Variants in COMMD10 observed in about 807,000 individuals in gnomAD.
COMMD10 encodes COMM domain-containing protein 10.
A neutral mutation model predicts 28.9 loss-of-function variants in COMMD10; 33 were observed. That is an observed-to-expected ratio of 1.14 (90% CI 0.87 to 1.53). The LOEUF is 1.53. Among genes scored for constraint, COMMD10 ranks in the 40% most tolerant of loss-of-function variants. The pLI is 0.00. For missense variants in COMMD10, 310 were observed against 233.4 expected (o/e 1.33, Z -2.14); for synonymous variants, 110 against 81.7 (o/e 1.35, Z -1.87).
intron 5 of COMMD10, among the ~76,000 whole-genome samples, chr5:116,228,374 C>T (rs1445363920): frequency 2.0e-5 from 3 of 151,816 alleles, no homozygotes; most frequent in African/African-American, 7.3e-5. Flanking sequence ...ATTTTATTCA[C>T]ATTGTTGATT....
At chr5:116,102,809 C>T (rs1750709124) in intron 4 of COMMD10, among the ~76,000 whole-genome samples, 1 of 152,120 alleles carries the variant, frequency 6.6e-6, no homozygotes, top group African/African-American at 2.4e-5. Context: ...AATGCTATCC[C>T]TCCACCAGCC....
At chr5:116,212,888 T>C (rs1164573777) in intron 5 of COMMD10, among the ~76,000 whole-genome samples, 1 of 152,056 alleles carries the variant, frequency 6.6e-6, no homozygotes, top group Non-Finnish European at 1.5e-5. Context: ...ATAATAAAAT[T>C]TATGTCATGT....
At chr5:116,121,126 TC>T in intron 4 of COMMD10, among the ~76,000 whole-genome samples, 1 of 152,216 alleles carries the variant, frequency 6.6e-6, no homozygotes, top group South Asian at 2.1e-4. Flanking sequence ...ATGCTCTCCT[TC>T]CCCCTGCCCC....
intron 5 of COMMD10, among the ~76,000 whole-genome samples, chr5:116,257,207 T>TG (rs1384870682): frequency 7.4e-6 from 1 of 135,950 alleles, no homozygotes; most frequent in Non-Finnish European, 1.5e-5. Flanking sequence ...ATAAGGCCAC[T>TG]TACGGAATTT....
intron 5 of COMMD10, among the ~76,000 whole-genome samples, chr5:116,184,240 A>G (rs1327260389): frequency 6.6e-6 from 1 of 150,662 alleles, no homozygotes; most frequent in Non-Finnish European, 1.5e-5. Flanking sequence ...TTAATCCAGG[A>G]TGTCAATCCT....
intron 5 of COMMD10, among the ~76,000 whole-genome samples, chr5:116,203,926 A>G (rs1748742668): frequency 1.3e-5 from 2 of 152,214 alleles, no homozygotes; most frequent in African/African-American, 4.8e-5. Flanking sequence ...AAATGCTCCA[A>G]TTAAAAGACA....
At chr5:116,239,945 C>G (rs558102702) in intron 5 of COMMD10, among the ~76,000 whole-genome samples, 4 of 152,058 alleles carry the variant, frequency 2.6e-5, no homozygotes, top group South Asian at 2.1e-4. Flanking sequence ...TCACTCCCCC[C>G]CAAGGAGAGT....
At chr5:116,188,635 C>CT (rs1420812075) in intron 5 of COMMD10, 1 of 121,012 alleles carries the variant, frequency 8.3e-6, no homozygotes, top group African/African-American at 4.4e-5. Flanking sequence ...CTTTCTCTCT[C>CT]TCTCTTTTTT....
intron 4 of COMMD10, among the ~76,000 whole-genome samples, chr5:116,103,261 G>C (rs1172867067): frequency 6.6e-6 from 1 of 152,132 alleles, no homozygotes; most frequent in East Asian, 1.9e-4. Flanking sequence ...TTCCACAATG[G>C]TTGAACTAAT....
At chr5:116,190,011 T>G (rs920112832) in intron 5 of COMMD10, among the ~76,000 whole-genome samples, 8 of 152,208 alleles carry the variant, frequency 5.3e-5, no homozygotes, top group African/African-American at 1.9e-4. Flanking sequence ...TCAGAGGTGA[T>G]GTATGTGACC....
chr5:116,273,877 T>G (rs1439462972), intron 5 of COMMD10, among the ~76,000 whole-genome samples: 1 of 151,744 alleles, frequency 6.6e-6, no homozygotes, highest in Admixed American at 6.6e-5. Context: ...ATTAATAAAC[T>G]ACAGAAAAGA....
chr5:116,206,755 A>G (rs1748823981), intron 5 of COMMD10, among the ~76,000 whole-genome samples: 1 of 152,212 alleles, frequency 6.6e-6, no homozygotes, highest in African/African-American at 2.4e-5. Flanking sequence ...TAAAAATACA[A>G]TTCATATGTA....
chr5:116,169,502 A>T (rs1561645150), intron 5 of COMMD10, among the ~76,000 whole-genome samples: 2 of 152,216 alleles, frequency 1.3e-5, no homozygotes, highest in African/African-American at 2.4e-5. Context: ...GGCCAGCATT[A>T]TCCTGATACC....
intron 5 of COMMD10, among the ~76,000 whole-genome samples, chr5:116,148,365 C>CG (rs1237279502): frequency 6.6e-6 from 1 of 151,858 alleles, no homozygotes; most frequent in East Asian, 1.9e-4. Flanking sequence ...CTTTCCCCCT[C>CG]TTGGCTTCTT....
intron 5 of COMMD10, among the ~76,000 whole-genome samples, chr5:116,231,092 C>CT (rs1278435435): frequency 6.6e-6 from 1 of 152,148 alleles, no homozygotes; most frequent in Non-Finnish European, 1.5e-5. Context: ...ACTCCATACT[C>CT]TTAAGATGGT....
At chr5:116,170,807 C>T (rs1488652308) in intron 5 of COMMD10, among the ~76,000 whole-genome samples, 1 of 152,114 alleles carries the variant, frequency 6.6e-6, no homozygotes, top group Non-Finnish European at 1.5e-5. Context: ...AACTGGACCC[C>T]TTCCTTACAC....
chr5:116,201,999 C>T (rs1748679582), intron 5 of COMMD10, among the ~76,000 whole-genome samples: 1 of 151,184 alleles, frequency 6.6e-6, no homozygotes, highest in South Asian at 2.1e-4. Context: ...AACTCGTCAT[C>T]TAGCATTAGG....
At chr5:116,268,661 G>A (rs542433792) in intron 5 of COMMD10, among the ~76,000 whole-genome samples, 9 of 151,846 alleles carry the variant, frequency 5.9e-5, no homozygotes, top group East Asian at 5.8e-4. Flanking sequence ...TGTTTATTGC[G>A]GCACTATTCA....
intron 5 of COMMD10, among the ~76,000 whole-genome samples, chr5:116,204,692 A>T (rs2112627116): frequency 6.6e-6 from 1 of 152,306 alleles, no homozygotes; most frequent in South Asian, 2.1e-4. Context: ...CTGAATACAA[A>T]TTCAGCACCA....
Sources: allele counts gnomAD v4.1 joint callset (sites outside exome capture counted in the v4.1 genomes callset), GRCh38; gene constraint gnomAD v4.1.1; transcripts MANE v1.5; gene names NCBI Gene and HGNC (gene_info 2026-07-23, HGNC 2026-07-21).